The following RPP30 variants were observed in gnomAD, a reference collection of about 807,000 sequenced individuals.
RPP30 encodes the protein ribonuclease P protein subunit p30.
A neutral mutation model predicts 38.6 loss-of-function variants in RPP30; 36 were observed. The ratio of observed to expected loss-of-function variants is 0.93; its 90% CI spans 0.71 to 1.23. The LOEUF is 1.23. Among genes scored for constraint, RPP30 ranks in the 50% most tolerant of loss-of-function variants. The pLI is 0.00. For synonymous variants in RPP30, 126 were observed against 112.7 expected, an observed-to-expected ratio of 1.12 and a Z score of -0.75; for missense variants, 321 against 321.7, an observed-to-expected ratio of 1.00 and a Z score of 0.02.
rs945154267 is a variant in RPP30 at position 90,895,602 on chromosome 10, A to G, written c.579+119A>G. On this transcript the variant is annotated intron_variant, in intron 8 of 10. Transcript: ENST00000371703. ...TTGCATTTTTTTCTATTTTAACTGCATTTGCTCATTGTAATTGCTAAATAG... is the reference window on the plus strand; with the variant it reads ...TTGCATTTTTTTCTATTTTAACTGCGTTTGCTCATTGTAATTGCTAAATAG... 1.8e-5 allele frequency: 11 copies of G among 621,404 alleles called. No homozygotes were observed. In the Admixed American group the frequency reaches 1.9e-4, roughly 10 times the overall value. 38.5% of individuals were successfully genotyped at this position (621,404 alleles called of 1,614,324 possible). A position where few individuals can be genotyped will look rare whatever the true frequency, so the allele number is the denominator to read the frequency against.
At chr10:90,887,451 C>T (rs1444444336) in intron 6 of RPP30, among the ~76,000 whole-genome samples, 2 of 150,280 alleles carry the variant, frequency 1.3e-5, no homozygotes, top group African/African-American at 2.5e-5. Context: ...GGCACGATCT[C>T]GGCTCACTTC....
downstream of RPP30, among the ~76,000 whole-genome samples, chr10:90,903,909 A>G (rs1483380540): frequency 2.0e-5 from 3 of 152,248 alleles, no homozygotes; most frequent in Non-Finnish European, 4.4e-5. Context: ...AATAAAGACT[A>G]GAATACATGG....
At chr10:90,894,602 C>A (rs1178821174) in intron 6 of RPP30, among the ~76,000 whole-genome samples, 173 bp from the exon 7 acceptor site, 14 of 152,174 alleles carry the variant, frequency 9.2e-5, no homozygotes, top group Non-Finnish European at 1.9e-4. Context: ...GATTTATTTT[C>A]TTCTCCTTGT....
chr10:90,882,977 T>C (rs1232051019), intron 5 of RPP30, among the ~76,000 whole-genome samples: 1 of 152,188 alleles, frequency 6.6e-6, no homozygotes. Context: ...TTTATTAAAA[T>C]GCAGATCATT....
rs961355025 is a variant in RPP30 at position 90,900,799 on chromosome 10, T to C, written c.*120T>C. 1.6e-5 allele frequency: 23 copies of C among 1,410,856 alleles called. No individual in the cohort carries two copies. In the Admixed American group the frequency reaches 3.0e-4, roughly 18 times the overall value. The allele number at this position is 1,410,856 out of a possible 1,614,324, so 87.4% of individuals were successfully genotyped here. A position where few individuals can be genotyped will look rare whatever the true frequency, so the allele number is the denominator to read the frequency against. On this transcript the variant is annotated 3_prime_UTR_variant, in exon 11 of 11. Coordinates refer to ENST00000371703, the MANE Select transcript of RPP30 (RefSeq NM_006413.5). ...CATTTGGAGCTAGAAATCAATAGTCTATAAAAACAGTTTTACTTGCAATCC... is the reference window on the plus strand; with the variant it reads ...CATTTGGAGCTAGAAATCAATAGTCCATAAAAACAGTTTTACTTGCAATCC...
chr10:90,896,584 A>G (rs540635393), intron 10 of RPP30, among the ~76,000 whole-genome samples, 192 bp downstream of exon 10: 1 of 152,302 alleles, frequency 6.6e-6, no homozygotes, highest in East Asian at 1.9e-4. Flanking sequence ...TGTAGAATGA[A>G]TATAGTTTTC....
At position 90,901,472 on chromosome 10, in the gene RPP30, A is replaced by T; in HGVS notation, c.*793A>T. 1 of 984,750 alleles carries T rather than the reference A, an allele frequency of 1.0e-6. No individual in the cohort carries two copies. Among genetic ancestry groups the T allele is most frequent in the African/African-American group, 1.7e-5 (1 of 57,326 alleles). The allele number at this position is 984,750 out of a possible 1,614,324, so 61.0% of individuals were successfully genotyped here. On this transcript the variant is annotated 3_prime_UTR_variant, in exon 11 of 11. Coordinates refer to ENST00000371703, the MANE Select transcript of RPP30 (RefSeq NM_006413.5). The stretch of plus-strand genomic sequence containing the variant: ...TATAGAATTTGTGGAAGGAGAGAGG[A>T]TACACATGTAAAATTACATCTGGTC...
At chr10:90,882,145 G>A (rs1589496144) in intron 5 of RPP30, among the ~76,000 whole-genome samples, 2 of 152,120 alleles carry the variant, frequency 1.3e-5, no homozygotes, top group Non-Finnish European at 2.9e-5. Flanking sequence ...GGAGCTTCTG[G>A]ACCAATTAAT....
chr10:90,895,880 C>G lies in RPP30; in HGVS notation c.580C>G (p.Pro194Ala). 6.3e-7 allele frequency: 1 copy of G among 1,590,638 alleles called. No individual in the cohort carries two copies. Among genetic ancestry groups the G allele is most frequent in the Non-Finnish European group, 8.6e-7 (1 of 1,165,940 alleles). ...CTACTCTTTGTTCATTTTATTTCAG[C>G]CTTTAGAAATAAGAGGGCCATATGA... ...NVIISSAAER[P>A]LEIRGPYDVA... The change falls in exon 9 of 11, where the codon CCT (proline) becomes GCT (alanine). Residue 194 changes from proline to alanine, a missense_variant and splice_region_variant. Pro to Ala is a conservative substitution (Grantham distance 27). Transcript: ENST00000371703.
In RPP30 at chr10:90,896,343, C is replaced by A. The variant is rs764741484; in HGVS notation, c.648C>A (p.Asp216Glu). 4 of 1,613,996 alleles carry A rather than the reference C, an allele frequency of 2.5e-6. No homozygotes were observed. Among genetic ancestry groups the A allele is most frequent in the African/African-American group, 1.3e-5 (1 of 74,940 alleles). Residue 216 changes from aspartate to glutamate, a missense_variant, in exon 10 of 11, where the codon GAC (aspartate) becomes GAA (glutamate). Transcript: ENST00000371703. ...TGCTGTTTGGGCTCTCTGAAAGTGA[C>A]GCCAAGGCTGCGGTGTCCACCAACT... ...LGLLFGLSES[D>E]AKAAVSTNCR...
chr10:90,900,029 A>G (rs1271125980), intron 10 of RPP30, among the ~76,000 whole-genome samples: 1 of 152,230 alleles, frequency 6.6e-6, no homozygotes, highest in Non-Finnish European at 1.5e-5. Flanking sequence ...TAAATTTATG[A>G]GTGATTTTAT....
At chr10:90,907,706 C>T (rs568591152), downstream of RPP30, among the ~76,000 whole-genome samples, 1 of 152,260 alleles carries the variant, frequency 6.6e-6, no homozygotes, top group African/African-American at 2.4e-5. Context: ...ACCTGGAACA[C>T]TTGATTCTTG....
intron 2 of RPP30, among the ~76,000 whole-genome samples, chr10:90,875,332 T>A (rs1846837174): frequency 6.6e-6 from 1 of 152,322 alleles, no homozygotes; most frequent in South Asian, 2.1e-4. Context: ...TATTTCAGTC[T>A]AAAAATTAGT....
chr10:90,889,765 C>G (rs920620793), intron 6 of RPP30, among the ~76,000 whole-genome samples: 3 of 152,102 alleles, frequency 2.0e-5, no homozygotes, highest in African/African-American at 7.2e-5. Context: ...ACCAAACACT[C>G]CATTTGTGTA....
downstream of RPP30, chr10:90,906,119 G>C (rs961109087): frequency 2.0e-5 from 3 of 152,196 alleles, no homozygotes; most frequent in African/African-American, 7.2e-5. Context: ...GGCATAATGA[G>C]TATTGGGTGT....
intron 6 of RPP30, among the ~76,000 whole-genome samples, chr10:90,891,298 C>CTTTGTCTTCA: frequency 6.6e-6 from 1 of 152,290 alleles, no homozygotes; most frequent in Admixed American, 6.5e-5. Context: ...CAGTCTCTGC[C>CTTTGTCTTCA]TTTGTCTTCA....
intron 9 of RPP30, 140 bp from the exon 10 acceptor site, chr10:90,896,173 A>G (rs1170633872): frequency 2.8e-6 from 2 of 718,434 alleles, no homozygotes; most frequent in Admixed American, 2.5e-5. Context: ...TCTCAGATGC[A>G]TGTTCCAGTT....
chr10:90,895,590 T>TGAATGA, intron 8 of RPP30, 107 bp downstream of exon 8: 2 of 644,842 alleles, frequency 3.1e-6, no homozygotes. Context: ...CATTTTTTTC[T>TGAATGA]ATTTTAACTG....
At chr10:90,891,479 A>G (rs1428133842) in intron 6 of RPP30, among the ~76,000 whole-genome samples, 1 of 152,236 alleles carries the variant, frequency 6.6e-6, no homozygotes, top group Non-Finnish European at 1.5e-5. Context: ...ACTGAGGTTT[A>G]GGGCTTCATT....
Sources: gnomAD v4.1 joint callset for allele counts (sites outside exome capture counted in the v4.1 genomes callset) on GRCh38, gnomAD v4.1.1 for gene constraint, MANE v1.5 for transcripts, NCBI Gene and HGNC (gene_info 2026-07-23, HGNC 2026-07-21) for gene names.